Variants in URI1 observed in about 807,000 individuals in gnomAD.
URI1 encodes unconventional prefoldin RPB5 interactor 1.
URI1 carries 39 observed loss-of-function variants against 60.2 expected under a neutral mutation model. The observed-to-expected ratio is 0.65, with a 90% confidence interval of 0.50 to 0.85. The LOEUF (loss-of-function observed/expected upper bound fraction) is 0.85, where lower values mean the gene tolerates loss of function less well. Ranked by LOEUF, URI1 falls within the 40% of genes least tolerant of loss-of-function variation. The pLI is 0.00. For synonymous variants in URI1, 251 were observed against 236.8 expected (o/e 1.06, Z -0.55); for missense variants, 691 against 665.9 (o/e 1.04, Z -0.42).
intron 4 of URI1, among the ~76,000 whole-genome samples, chr19:29,999,429 G>A (rs1279319328): frequency 2.0e-5 from 3 of 152,028 alleles, no homozygotes; most frequent in Admixed American, 6.6e-5. Flanking sequence ...AAAGACTGTT[G>A]TTTTGCTAAA....
intron 2 of URI1, among the ~76,000 whole-genome samples, chr19:29,971,463 C>T (rs905224762): frequency 6.6e-6 from 1 of 151,902 alleles, no homozygotes; most frequent in Non-Finnish European, 1.5e-5. Flanking sequence ...ATTCTAAGTG[C>T]CTTTTCTTTT....
At chr19:29,961,357 TTGTCTCTA>T (rs2055321206) in intron 1 of URI1, among the ~76,000 whole-genome samples, 1 of 151,994 alleles carries the variant, frequency 6.6e-6, no homozygotes, top group African/African-American at 2.4e-5. Flanking sequence ...ATTATACTTT[TTGTCTCTA>T]TGAATTTGAT....
intron 1 of URI1, chr19:29,956,778 G>T (rs146774236): frequency 6.3e-7 from 1 of 1,597,854 alleles, no homozygotes; most frequent in Non-Finnish European, 8.6e-7. Context: ...CAAATAGTCC[G>T]AACGGTAGCC....
chr19:29,933,681 GC>G (rs2054942122), intron 1 of URI1, among the ~76,000 whole-genome samples: 2 of 151,726 alleles, frequency 1.3e-5, no homozygotes, highest in Admixed American at 1.3e-4. Flanking sequence ...AATTAGCCAG[GC>G]ATGATGGCGT....
intron 1 of URI1, among the ~76,000 whole-genome samples, chr19:29,936,831 C>T (rs1306029326): frequency 1.3e-5 from 2 of 152,178 alleles, no homozygotes; most frequent in Non-Finnish European, 2.9e-5. Context: ...TGGCTCACTG[C>T]AACCTCCTCC....
intron 9 of URI1, among the ~76,000 whole-genome samples, chr19:30,011,619 GT>G (rs1254340250): frequency 0.013 from 1,832 of 137,656 alleles, 41 homozygotes; most frequent in African/African-American, 0.041. Flanking sequence ...ACTGTTGCAG[GT>G]TTTTTTTTTT....
upstream of URI1, chr19:29,937,803 T>C (rs1232848459): frequency 2.0e-5 from 3 of 152,116 alleles, no homozygotes; most frequent in Admixed American, 1.3e-4. Context: ...TGCCCCAATT[T>C]TTGGAGGACA....
At chr19:30,012,868 GAGC>G (rs1200076933) in intron 10 of URI1, 2 of 198,694 alleles carry the variant, frequency 1.0e-5, no homozygotes, top group Non-Finnish European at 2.1e-5. Flanking sequence ...ATAGTGTAAG[GAGC>G]AGATTACATT....
intron 1 of URI1, among the ~76,000 whole-genome samples, chr19:29,955,886 T>C (rs1199927353): frequency 6.6e-6 from 1 of 151,998 alleles, no homozygotes; most frequent in Non-Finnish European, 1.5e-5. Flanking sequence ...CCACCGTGCC[T>C]GGCCCAGTTA....
chr19:29,934,993 A>T (rs2054956700), intron 1 of URI1, among the ~76,000 whole-genome samples: 1 of 152,218 alleles, frequency 6.6e-6, no homozygotes, highest in Admixed American at 6.5e-5. Context: ...TAGACAGTTT[A>T]GTCCATTTAC....
At chr19:29,939,972 A>G (rs1345286616), upstream of URI1, among the ~76,000 whole-genome samples, 1 of 152,214 alleles carries the variant, frequency 6.6e-6, no homozygotes, top group Admixed American at 6.5e-5. Context: ...AGGGAGACTG[A>G]CATGACCTGA....
chr19:29,954,991 A>G lies in URI1; in HGVS notation c.117+12327A>G, dbSNP rs929737831. Among the ~76,000 whole-genome samples, 24 of 151,758 alleles carry G rather than the reference A, an allele frequency of 1.6e-4. No individual in the cohort carries two copies. The South Asian group carries it at 5.0e-3, about 32-fold the overall frequency. On this transcript the variant is annotated intron_variant, in intron 1 of 10. Transcript: ENST00000392271. ...CTGGGAATTACTCTGGTTCATAGAG[A>G]TATTCCTCATCATTTTTTTTTTATT...
chr19:30,011,857 T>C (rs1213614140), intron 9 of URI1, among the ~76,000 whole-genome samples: 1 of 136,256 alleles, frequency 7.3e-6, no homozygotes, highest in Non-Finnish European at 1.5e-5. Context: ...ATGAGAACAC[T>C]TGGACACAGG....
At position 30,009,029 on chromosome 19, in the gene URI1, T is replaced by C. The variant is rs1275257243; in HGVS notation, c.711T>C (p.Asn237=). The C allele has an allele frequency of 6.2e-7, 1 of 1,611,420 alleles. No homozygotes were observed. The highest frequency in any genetic ancestry group is 1.7e-5 in the Admixed American group (1 of 59,946). ...LDSKPDTVIA[N]GEDTTSSEEE... ...GTAAGCCTGATACTGTGATTGCAAA[T>C]GGAGAAGATACGACATCTTCTGAAG... The change falls in exon 8 of 11, where the codon AAT becomes AAC. Residue 237 remains asparagine (N), a synonymous_variant. Coordinates refer to ENST00000392271, the MANE Select transcript of URI1 (RefSeq NM_003796.3).
At chr19:30,010,240 T>A (rs1230674577) in intron 8 of URI1, among the ~76,000 whole-genome samples, 1 of 152,150 alleles carries the variant, frequency 6.6e-6, no homozygotes, top group Non-Finnish European at 1.5e-5. Flanking sequence ...CATTCTTAAG[T>A]GTGTGTGATT....
intron 1 of URI1, among the ~76,000 whole-genome samples, chr19:29,961,045 T>C (rs929510107): frequency 1.3e-5 from 2 of 151,808 alleles, no homozygotes; most frequent in East Asian, 3.9e-4. Flanking sequence ...TTTTTTTGTA[T>C]AGACAGGGAC....
At chr19:30,013,606 C>T (rs372598609) in intron 10 of URI1, among the ~76,000 whole-genome samples, 30 of 152,074 alleles carry the variant, frequency 2.0e-4, no homozygotes, top group African/African-American at 6.5e-4. Context: ...TTTTTTATTT[C>T]ACCCTTAGTA....
chr19:29,956,495 T>C (rs1340319418), intron 1 of URI1: 1 of 1,588,726 alleles, frequency 6.3e-7, no homozygotes, highest in Non-Finnish European at 8.5e-7. Flanking sequence ...TTTTTAACTG[T>C]TGTGGGTTGC....
intron 1 of URI1, among the ~76,000 whole-genome samples, chr19:29,936,065 C>T (rs1293630038): frequency 6.6e-6 from 1 of 151,910 alleles, no homozygotes; most frequent in South Asian, 2.1e-4. Context: ...GGATTATAGG[C>T]GTGAGCCACT....
Sources: gnomAD v4.1 joint callset for allele counts (sites outside exome capture counted in the v4.1 genomes callset) on GRCh38, gnomAD v4.1.1 for gene constraint, MANE v1.5 for transcripts, NCBI Gene and HGNC (gene_info 2026-07-23, HGNC 2026-07-21) for gene names.